The following GRIK2 variants were observed in gnomAD, a reference collection of about 807,000 sequenced individuals.
GRIK2 encodes glutamate ionotropic receptor kainate type subunit 2.
GRIK2 carries 32 observed loss-of-function variants against 100.3 expected under a neutral mutation model. The ratio of observed to expected loss-of-function variants is 0.32; its 90% CI spans 0.24 to 0.43. The LOEUF (loss-of-function observed/expected upper bound fraction) is 0.43. GRIK2 is among the 20% of genes least tolerant of loss of function. The pLI is 1.00. For synonymous variants in GRIK2, 417 were observed against 389.4 expected (o/e 1.07, Z -0.83); for missense variants, 843 against 1,114.9 (o/e 0.76, Z 3.47).
chr6:101,804,819 G>A (rs1288077686), intron 9 of GRIK2, among the ~76,000 whole-genome samples: 1 of 151,876 alleles, frequency 6.6e-6, no homozygotes, highest in Non-Finnish European at 1.5e-5. Flanking sequence ...ATCAGCTAAA[G>A]GACAGCGGTA....
chr6:102,038,085 TAAAAG>T (rs1230434641), intron 15 of GRIK2, among the ~76,000 whole-genome samples: 3 of 151,370 alleles, frequency 2.0e-5, no homozygotes, highest in African/African-American at 7.3e-5. Flanking sequence ...TTTAAACTAG[TAAAAG>T]AAGAGGATTG....
intron 2 of GRIK2, among the ~76,000 whole-genome samples, chr6:101,526,992 C>A (rs924393929): frequency 6.6e-6 from 1 of 152,174 alleles, no homozygotes; most frequent in East Asian, 1.9e-4. Context: ...GTCTCCCATA[C>A]CCTTAGGCTA....
intron 7 of GRIK2, among the ~76,000 whole-genome samples, chr6:101,782,669 G>A (rs1006115933): frequency 6.6e-6 from 1 of 152,086 alleles, no homozygotes; most frequent in African/African-American, 2.4e-5. Context: ...AATAAACATA[G>A]GAGTGCATGT....
chr6:101,988,915 G>A (rs1416570028), intron 14 of GRIK2, among the ~76,000 whole-genome samples: 1 of 150,770 alleles, frequency 6.6e-6, no homozygotes, highest in Non-Finnish European at 1.5e-5. Context: ...ATAGTGTCTG[G>A]CATATGATAA....
intron 11 of GRIK2, among the ~76,000 whole-genome samples, chr6:101,883,084 A>T (rs1786369330): frequency 6.6e-6 from 1 of 151,940 alleles, no homozygotes; most frequent in South Asian, 2.1e-4. Flanking sequence ...TCATGCTGCC[A>T]GAGATGGAGA....
intron 4 of GRIK2, among the ~76,000 whole-genome samples, chr6:101,652,149 T>A (rs556454346): frequency 1.3e-5 from 2 of 152,276 alleles, no homozygotes; most frequent in East Asian, 3.9e-4. Flanking sequence ...TAAGTGAGAA[T>A]GCAAGGTGCA....
chr6:101,940,800 CAT>C (rs1005121456), intron 14 of GRIK2, among the ~76,000 whole-genome samples: 29 of 152,216 alleles, frequency 1.9e-4, no homozygotes, highest in African/African-American at 3.9e-4. Flanking sequence ...TCTAATAAAA[CAT>C]GTGTGGTTAT....
intron 7 of GRIK2, among the ~76,000 whole-genome samples, chr6:101,725,238 T>C (rs929346037): frequency 6.6e-6 from 1 of 152,042 alleles, no homozygotes; most frequent in Non-Finnish European, 1.5e-5. Context: ...TACCAAAAAG[T>C]TGGATTTCCC....
chr6:101,772,144 A>C (rs1009176255), intron 7 of GRIK2, among the ~76,000 whole-genome samples: 1 of 152,092 alleles, frequency 6.6e-6, no homozygotes, highest in Admixed American at 6.5e-5. Context: ...CTTCATTCTC[A>C]GAGGGAGATA....
rs566908614 is a variant in GRIK2 at position 101,565,393 on chromosome 6, T to A, written c.116-56556T>A. 3.9e-5 allele frequency among the ~76,000 whole-genome samples: 6 copies of A among 152,278 alleles called. No homozygotes were observed. In the South Asian group the frequency reaches 1.0e-3, roughly 26 times the overall value. On this transcript the variant is annotated intron_variant, in intron 2 of 16. Coordinates refer to ENST00000369134, the MANE Select transcript of GRIK2 (RefSeq NM_021956.5). ...CCAGTCAGCACAATATATTTATTTT[T>A]AAATTCTCTAATTTTTCTACTTTGA...
intron 2 of GRIK2, among the ~76,000 whole-genome samples, chr6:101,582,637 G>A (rs1304623485): frequency 1.3e-5 from 2 of 152,024 alleles, no homozygotes; most frequent in Non-Finnish European, 2.9e-5. Context: ...AGATTTATAA[G>A]ACAAAAAGTA....
chr6:101,897,021 C>G (rs887140764), intron 12 of GRIK2, among the ~76,000 whole-genome samples: 3 of 151,424 alleles, frequency 2.0e-5, no homozygotes, highest in Admixed American at 6.6e-5. Context: ...CACACACACA[C>G]ACACACACAC....
intron 2 of GRIK2, among the ~76,000 whole-genome samples, chr6:101,522,553 T>A (rs780729282): frequency 6.6e-6 from 1 of 152,260 alleles, no homozygotes; most frequent in East Asian, 1.9e-4. Flanking sequence ...AAAGACAGCA[T>A]GAAAAATCAT....
intron 7 of GRIK2, among the ~76,000 whole-genome samples, chr6:101,769,355 G>T (rs1220593823): frequency 6.6e-6 from 1 of 152,134 alleles, no homozygotes; most frequent in Non-Finnish European, 1.5e-5. Flanking sequence ...AGAAAGAAAA[G>T]ACACTAAAGG....
Position 102,035,576 on chromosome 6 carries a change from A to C in GRIK2, c.2311+10A>C. ...GTTGGCACTCCCATGGGTAGGTTATATGTCAGCTCTTTGTTCTTTGTTCAT... is the reference window on the plus strand; with the variant it reads ...GTTGGCACTCCCATGGGTAGGTTATCTGTCAGCTCTTTGTTCTTTGTTCAT... On this transcript the variant is annotated intron_variant, in intron 15 of 16. Coordinates refer to ENST00000369134, the MANE Select transcript of GRIK2 (RefSeq NM_021956.5). The C allele has an allele frequency of 1.4e-6, 2 of 1,439,710 alleles. No individual in the cohort carries two copies. Among genetic ancestry groups the C allele is most frequent in the Non-Finnish European group, 2.0e-6 (2 of 1,023,462 alleles). 89.2% of individuals were successfully genotyped at this position (1,439,710 alleles called of 1,614,324 possible).
intron 7 of GRIK2, among the ~76,000 whole-genome samples, chr6:101,792,688 G>C (rs1047678581): frequency 1.3e-5 from 2 of 151,966 alleles, no homozygotes; most frequent in African/African-American, 2.4e-5. Flanking sequence ...TATGTGTCTT[G>C]GAGTTGCTCT....
chr6:101,813,602 T>G (rs1480199881), intron 9 of GRIK2, among the ~76,000 whole-genome samples: 1 of 152,136 alleles, frequency 6.6e-6, no homozygotes, highest in African/African-American at 2.4e-5. Context: ...ACCTTTTCCT[T>G]GTAGCAAAAT....
At chr6:101,975,847 C>CTATCTAT (rs1321099912) in intron 14 of GRIK2, among the ~76,000 whole-genome samples, 1 of 151,574 alleles carries the variant, frequency 6.6e-6, no homozygotes, top group East Asian at 1.9e-4. Context: ...ATCTATCTAT[C>CTATCTAT]CCTCCATCCA....
intron 7 of GRIK2, among the ~76,000 whole-genome samples, chr6:101,783,241 C>A (rs559514141): frequency 1.3e-5 from 2 of 151,954 alleles, no homozygotes; most frequent in Non-Finnish European, 2.9e-5. Context: ...ATGGTTTCAC[C>A]CATGTTGTTC....
Sources: allele counts gnomAD v4.1 joint callset (sites outside exome capture counted in the v4.1 genomes callset), GRCh38; gene constraint gnomAD v4.1.1; transcripts MANE v1.5; gene names NCBI Gene and HGNC (gene_info 2026-07-23, HGNC 2026-07-21).